Variants in GALNT7 observed in about 807,000 individuals in gnomAD.
The protein encoded by GALNT7 is polypeptide N-acetylgalactosaminyltransferase 7.
Under a neutral mutation model 82.1 loss-of-function variants are expected in GALNT7, and 60 were observed. The ratio of observed to expected loss-of-function variants is 0.73; its 90% CI spans 0.59 to 0.91. The LOEUF (loss-of-function observed/expected upper bound fraction) is 0.91, where lower values mean the gene tolerates loss of function less well. Among genes scored for constraint, GALNT7 ranks in the 40% least tolerant of loss-of-function variants. GALNT7 has a pLI of 0.00. For synonymous variants in GALNT7, 243 were observed against 275.1 expected (o/e 0.88, Z 1.15); for missense variants, 660 against 804.2 (o/e 0.82, Z 2.17).
intron 1 of GALNT7, among the ~76,000 whole-genome samples, chr4:173,242,585 G>C (rs1471233264): frequency 6.6e-6 from 1 of 152,242 alleles, no homozygotes; most frequent in African/African-American, 2.4e-5. Context: ...CAGGGCTGCA[G>C]CTCCCAATGC....
At chr4:173,274,273 A>G (rs1735824324) in intron 2 of GALNT7, among the ~76,000 whole-genome samples, 1 of 152,180 alleles carries the variant, frequency 6.6e-6, no homozygotes, top group Admixed American at 6.6e-5. Flanking sequence ...TACCCAAAAG[A>G]CATAGTTCAG....
chr4:173,310,170 C>T lies in GALNT7; in HGVS notation c.1390-3788C>T, dbSNP rs147644188. On this transcript the variant is annotated intron_variant, in intron 8 of 11. Coordinates refer to ENST00000265000, the MANE Select transcript of GALNT7 (RefSeq NM_017423.3). ...TTGTCTCCTCTGAGCCTCAAACCTT[C>T]TAGAGTTATCCTCTTTGATGTCCTT... Among the ~76,000 whole-genome samples, 7 of 152,334 alleles carry T rather than the reference C, an allele frequency of 4.6e-5. No individual in the cohort carries two copies. In the East Asian group the frequency reaches 1.4e-3, roughly 29 times the overall value.
intron 2 of GALNT7, among the ~76,000 whole-genome samples, chr4:173,262,346 A>T (rs952989483): frequency 7.9e-5 from 12 of 152,214 alleles, no homozygotes; most frequent in African/African-American, 2.9e-4. Context: ...ACATTTTACC[A>T]TTGTATGATG....
chr4:173,189,007 G>T (rs1732540094), intron 1 of GALNT7, among the ~76,000 whole-genome samples: 2 of 152,106 alleles, frequency 1.3e-5, no homozygotes, highest in Admixed American at 1.3e-4. Context: ...GTTTTTGTTT[G>T]GTTTACAAAT....
intron 1 of GALNT7, among the ~76,000 whole-genome samples, chr4:173,228,245 C>T (rs1225975159): frequency 6.6e-6 from 1 of 150,642 alleles, no homozygotes; most frequent in East Asian, 1.9e-4. Context: ...GAAAAATTAA[C>T]ACCCAAAAGC....
At chr4:173,186,589 C>G (rs1372218936) in intron 1 of GALNT7, among the ~76,000 whole-genome samples, 4 of 152,254 alleles carry the variant, frequency 2.6e-5, no homozygotes, top group Admixed American at 1.3e-4. Flanking sequence ...TACATAGTTT[C>G]AAGAGTGCTT....
intron 1 of GALNT7, among the ~76,000 whole-genome samples, chr4:173,192,084 T>G (rs972720950): frequency 6.6e-6 from 1 of 152,192 alleles, no homozygotes; most frequent in African/African-American, 2.4e-5. Context: ...AGTAGGACTT[T>G]GTCAGGCTGA....
In GALNT7 at chr4:173,302,420, C is replaced by T. The variant is rs990923894; in HGVS notation, c.1266+256C>T. ...CAAGCTTTAGAAATGAAAATATCTA[C>T]CCCCACACCCCAACTTTCTATATAT... On this transcript the variant is annotated intron_variant, in intron 7 of 11. Coordinates refer to ENST00000265000, the MANE Select transcript of GALNT7 (RefSeq NM_017423.3). The surrounding 1 kb of genome is among the most constrained non-coding windows in gnomAD (Gnocchi z 4.2). 1.3e-5 allele frequency among the ~76,000 whole-genome samples: 2 copies of T among 152,132 alleles called. No individual in the cohort carries two copies. The highest frequency in any genetic ancestry group is 4.8e-5 in the African/African-American group (2 of 41,414).
chr4:173,203,283 C>T (rs148461255), intron 1 of GALNT7, among the ~76,000 whole-genome samples: 2,252 of 152,202 alleles, frequency 0.015, 25 homozygotes, highest in Middle Eastern at 0.038. Context: ...TTAGTAGAGA[C>T]GGAGTTTCAC....
chr4:173,274,277 A>G (rs1008122836), intron 2 of GALNT7, among the ~76,000 whole-genome samples: 2 of 152,222 alleles, frequency 1.3e-5, no homozygotes, highest in African/African-American at 4.8e-5. Flanking sequence ...CAAAAGACAT[A>G]GTTCAGTATT....
intron 1 of GALNT7, among the ~76,000 whole-genome samples, chr4:173,224,854 TTA>T (rs1491255380): frequency 2.0e-5 from 3 of 150,880 alleles, no homozygotes; most frequent in African/African-American, 2.4e-5. Flanking sequence ...CTACTAAAAA[TTA>T]AAAAAAAAAT....
chr4:173,239,744 C>T (rs1279766684), intron 1 of GALNT7, among the ~76,000 whole-genome samples: 1 of 152,110 alleles, frequency 6.6e-6, no homozygotes, highest in Admixed American at 6.5e-5. Context: ...TGAAATCTCC[C>T]TTTTTCCAGT....
At chr4:173,230,416 T>C (rs529269643) in intron 1 of GALNT7, among the ~76,000 whole-genome samples, 1 of 152,318 alleles carries the variant, frequency 6.6e-6, no homozygotes, top group East Asian at 1.9e-4. Context: ...TTTGGTATTG[T>C]GAACATGGTT....
At chr4:173,178,052 T>TGCGCGCGCGCGCGC (rs60869480) in intron 1 of GALNT7, among the ~76,000 whole-genome samples, 6 of 129,508 alleles carry the variant, frequency 4.6e-5, no homozygotes, top group African/African-American at 1.8e-4. Context: ...TGTGTGTGTG[T>TGCGCGCGCGCGCGC]GCGCGCACGC....
At chr4:173,285,257 C>T (rs1023757263) in intron 2 of GALNT7, among the ~76,000 whole-genome samples, 2 of 152,202 alleles carry the variant, frequency 1.3e-5, no homozygotes, top group Non-Finnish European at 2.9e-5. Context: ...GTCTCAATTA[C>T]ATGTCATAAT....
rs769657556 is a variant in GALNT7, at chr4:173,295,446, G to A, written c.805G>A (p.Val269Met). 6.2e-7 allele frequency: 1 copy of A among 1,606,882 alleles called. No homozygotes were observed. The highest frequency in any genetic ancestry group is 8.5e-7 in the Non-Finnish European group (1 of 1,173,438). Residue 269 changes from valine (V) to methionine (M), a missense_variant, in exon 4 of 12, where the codon GTG becomes ATG. Coordinates refer to ENST00000265000, the MANE Select transcript of GALNT7 (RefSeq NM_017423.3). ...DEYIKLWNGL[V>M]KVFRNERREG... The stretch of plus-strand genomic sequence containing the variant: ...ATATATTAAGCTGTGGAATGGCCTA[G>A]TGAAGGTATTTCGAAATGAAAGAAG...
intron 1 of GALNT7, among the ~76,000 whole-genome samples, chr4:173,171,875 G>T (rs1013201281): frequency 6.6e-6 from 1 of 152,138 alleles, no homozygotes; most frequent in Non-Finnish European, 1.5e-5. Context: ...TAAAAATTGT[G>T]CTACTGCTTT....
chr4:173,237,775 G>C (rs1042534918), intron 1 of GALNT7, among the ~76,000 whole-genome samples: 12 of 148,508 alleles, frequency 8.1e-5, no homozygotes, highest in African/African-American at 2.7e-4. Flanking sequence ...AAAAAAAAAA[G>C]TGTTAACAGT....
intron 1 of GALNT7, among the ~76,000 whole-genome samples, chr4:173,240,494 G>A (rs544653374): frequency 4.0e-5 from 6 of 150,812 alleles, no homozygotes; most frequent in Middle Eastern, 3.4e-3. Flanking sequence ...TAGGCCTCCC[G>A]AGTAGCTGGG....
Sources: gnomAD v4.1 joint callset for allele counts (sites outside exome capture counted in the v4.1 genomes callset) on GRCh38, gnomAD v4.1.1 for gene constraint, Gnocchi (gnomAD v3.1) non-coding constraint, MANE v1.5 for transcripts, NCBI Gene and HGNC (gene_info 2026-07-23, HGNC 2026-07-21) for gene names.